The following KMT2D variants were observed in gnomAD, a reference collection of about 807,000 sequenced individuals.
The protein encoded by KMT2D is lysine methyltransferase 2D.
Under a neutral mutation model 512.7 loss-of-function variants are expected in KMT2D, and 55 were observed. That is an observed-to-expected ratio of 0.11 (90% confidence interval 0.09 to 0.13). The LOEUF (loss-of-function observed/expected upper bound fraction) is 0.13. Ranked by LOEUF, KMT2D falls within the 10% of genes least tolerant of loss-of-function variation. The pLI, the probability that KMT2D is intolerant of heterozygous loss-of-function variation, is 1.00. For synonymous variants in KMT2D, 2,995 were observed against 2,904.0 expected (o/e 1.03, Z -1.01); for missense variants, 6,061 against 7,127.9 (o/e 0.85, Z 5.39).
Position 49,032,665 on chromosome 12 carries a change from C to A in KMT2D, c.12040G>T (p.Ala4014Ser). 6.2e-7 allele frequency: 1 copy of A among 1,613,906 alleles called. No individual in the cohort carries two copies. Among genetic ancestry groups the A allele is most frequent in the South Asian group, 1.1e-5 (1 of 91,064 alleles). Residue 4014 changes from alanine to serine, a missense_variant, in exon 40 of 55, where the codon GCC becomes TCC. This residue lies in a region of KMT2D where 1,600 missense variants were observed against 1,754.9 expected (regional missense o/e 0.91). Coordinates refer to ENST00000301067, the MANE Select transcript of KMT2D (RefSeq NM_003482.4). ...GTCAGGAGGAGGGTTGGACCCAGGG[C>A]TCCAGGGCTAGAAAAGTGTTGAAGA... is the stretch of plus-strand genomic sequence containing the variant. ...KPLQHFSSPG[A>S]LGPTLLLTGK...
At chr12:49,043,040 C>G (rs1190808828) in intron 26 of KMT2D, 36 bp downstream of exon 26, 1 of 1,589,294 alleles carries the variant, frequency 6.3e-7, no homozygotes, top group Non-Finnish European at 8.6e-7. Flanking sequence ...CCATAGAAAA[C>G]CCTTATACAC....
At position 49,026,610 on chromosome 12, in the gene KMT2D, A is replaced by C. The variant is rs2120360772; in HGVS notation, c.15356T>G (p.Ile5119Ser). The stretch of plus-strand genomic sequence containing the variant: ...CTTGAAGAACATGCACTTGGCACGG[A>C]TGGCACAAGCAAAATGGTAGACATT... ...CPNVYHFACA[I>S]RAKCMFFKDK... Residue 5119 changes from isoleucine (I) to serine (S), a missense_variant, in exon 49 of 55, where the codon ATC becomes AGC. Coordinates refer to ENST00000301067, the MANE Select transcript of KMT2D (RefSeq NM_003482.4). This position sits in a 1 kb window ranked among gnomAD's most constrained non-coding sequence, Gnocchi z 9.6. 2 of 1,614,038 alleles carry C rather than the reference A, an allele frequency of 1.2e-6. No homozygotes were observed. Among genetic ancestry groups the C allele is most frequent in the Non-Finnish European group, 1.7e-6 (2 of 1,179,898 alleles).
chr12:49,056,671 C>T (rs553070026), intron 1 of KMT2D, among the ~76,000 whole-genome samples: 8 of 152,284 alleles, frequency 5.3e-5, no homozygotes, highest in Non-Finnish European at 1.2e-4. Flanking sequence ...ATTCATCTCT[C>T]GCCTTTTCCA....
rs1306614488 is a variant in KMT2D at position 49,044,370 on chromosome 12, C to A, written c.5083+33G>T. 1.2e-6 allele frequency: 2 copies of A among 1,613,674 alleles called. No homozygotes were observed. Among genetic ancestry groups the A allele is most frequent in the Non-Finnish European group, 1.7e-6 (2 of 1,179,752 alleles). ...ACCTATTGAGCTGCCCCGCACCACC[C>A]CACCACCCCACAACCCCATCCCAGG... On this transcript the variant is annotated intron_variant, in intron 21 of 54. Coordinates refer to ENST00000301067, the MANE Select transcript of KMT2D (RefSeq NM_003482.4). The surrounding 1 kb of genome is among the most constrained non-coding windows in gnomAD (Gnocchi z 6.4).
intron 49 of KMT2D, 71 bp from the exon 50 acceptor site, chr12:49,025,017 T>G (rs1942505361): frequency 3.9e-6 from 6 of 1,523,422 alleles, no homozygotes; most frequent in Non-Finnish European, 5.3e-6. Flanking sequence ...CTAACCCCAA[T>G]CCAGAACTGC....
In KMT2D at chr12:49,051,204, G is replaced by T; in HGVS notation, c.2479C>A (p.Gln827Lys). 6.6e-7 allele frequency: 1 copy of T among 1,509,020 alleles called. No homozygotes were observed. The highest frequency in any genetic ancestry group is 8.9e-7 in the Non-Finnish European group (1 of 1,121,176). 93.5% of individuals were successfully genotyped at this position (1,509,020 alleles called of 1,614,324 possible). Residue 827 changes from glutamine to lysine, a missense_variant, in exon 11 of 55, where the codon CAA (glutamine) becomes AAA (lysine). This residue lies in a region of KMT2D where 848 missense variants were observed against 838.5 expected (regional missense o/e 1.01). Transcript: ENST00000301067. ...PVPEEPCLSP[Q>K]PEESHLSPQS... ...GGGGACAGGTGTGATTCCTCAGGTT[G>T]GGGGGACAAGCATGGCTCCTCAGGC...
At position 49,028,056 on chromosome 12, in the gene KMT2D, G is replaced by A. The variant is rs1942697370; in HGVS notation, c.14468C>T (p.Pro4823Leu). Residue 4823 changes from proline (P) to leucine (L), a missense_variant, in exon 47 of 55, where the codon CCC becomes CTC. By Grantham distance (98) the Pro-to-Leu change is moderately conservative. This residue lies in a region of KMT2D where 1,600 missense variants were observed against 1,754.9 expected (regional missense o/e 0.91). Coordinates refer to ENST00000301067, the MANE Select transcript of KMT2D (RefSeq NM_003482.4). Reference sequence around the variant, plus strand: ...CTTTGGCTCAGTGCCTGCCCGGGCGGGGCTCTCTGGGAACAGCACCTCATA... The same window carrying A: ...CTTTGGCTCAGTGCCTGCCCGGGCGAGGCTCTCTGGGAACAGCACCTCATA... Reference protein sequence around the residue: ...NSYEVLFPESPARAGTEPKKG... With the variant: ...NSYEVLFPESLARAGTEPKKG... 6.2e-7 allele frequency: 1 copy of A among 1,613,988 alleles called. No individual in the cohort carries two copies. The highest frequency in any genetic ancestry group is 8.5e-7 in the Non-Finnish European group (1 of 1,179,882).
rs968801897 is a variant in KMT2D at position 49,054,578 on chromosome 12, T to C, written c.350A>G (p.Gln117Arg). ...EAVLPSEDLS[Q>R]IGFPEGLTPA... ...TGTAAGGCCCTCAGGGAAACCAATC[T>C]GTGATAGGTCCTCACTGGGCAGCAC... The change falls in exon 4 of 55, where the codon CAG (glutamine) becomes CGG (arginine). Residue 117 changes from glutamine to arginine, a missense_variant. This residue lies in a region of KMT2D where 144 missense variants were observed against 165.7 expected (regional missense o/e 0.87). Transcript: ENST00000301067. This position sits in a 1 kb window ranked among gnomAD's most constrained non-coding sequence, Gnocchi z 6.4. The C allele has an allele frequency of 1.9e-6, 3 of 1,613,210 alleles. No homozygotes were observed. The highest frequency in any genetic ancestry group is 2.5e-6 in the Non-Finnish European group (3 of 1,179,516).
rs777215324 is a variant in KMT2D, at chr12:49,033,763, G to C, written c.10942C>G (p.Pro3648Ala). The change falls in exon 40 of 55, where the codon CCG becomes GCG. Residue 3648 changes from proline (P) to alanine (A), a missense_variant. Pro to Ala is a conservative substitution (Grantham distance 27). Around this residue, in one of 16 missense-constraint regions of KMT2D, gnomAD observed 1,600 missense variants for 1,754.9 expected, o/e 0.91. Coordinates refer to ENST00000301067, the MANE Select transcript of KMT2D (RefSeq NM_003482.4). Reference protein sequence around the residue: ...GHGLQPPQGPPGGQAGGLRLT... With the variant: ...GHGLQPPQGPAGGQAGGLRLT... ...CGAAGACCTCCGGCTTGCCCACCCG[G>C]AGGCCCCTGTGGTGGCTGCAGCCCA... is the stretch of plus-strand genomic sequence containing the variant. 3 of 1,611,824 alleles carry C rather than the reference G, an allele frequency of 1.9e-6. No individual in the cohort carries two copies. The East Asian group carries it at 6.7e-5, about 36-fold the overall frequency.
In KMT2D at chr12:49,041,974, G is replaced by A. The variant is rs556669370; in HGVS notation, c.6126C>T (p.Cys2042=). The change falls in exon 30 of 55, where the codon TGC becomes TGT. Residue 2042 remains cysteine, a synonymous_variant. Coordinates refer to ENST00000301067, the MANE Select transcript of KMT2D (RefSeq NM_003482.4). The surrounding 1 kb of genome is among the most constrained non-coding windows in gnomAD (Gnocchi z 5.4). ...TTCTCCAGAGCTTCATGATTTGTTTGCAACGGCTTGACCAGTCTGGAGGGC... is the reference window on the plus strand; with the variant it reads ...TTCTCCAGAGCTTCATGATTTGTTTACAACGGCTTGACCAGTCTGGAGGGC... ...KQDYPDWSSR[C]KQIMKLWRKV... The A allele has an allele frequency of 1.2e-6, 2 of 1,611,946 alleles. No homozygotes were observed. Among genetic ancestry groups the A allele is most frequent in the African/African-American group, 2.7e-5 (2 of 74,998 alleles).
intron 9 of KMT2D, 36 bp downstream of exon 9, chr12:49,052,879 C>T (rs771120138): frequency 3.7e-6 from 6 of 1,610,442 alleles, no homozygotes. Context: ...TTCTTCCAAC[C>T]TGCCAGCCCA....
Position 49,024,655 on chromosome 12 carries a change from G to A in KMT2D, c.15975C>T (p.Pro5325=), listed in dbSNP as rs780850935. The part of the protein sequence containing the change: ...QNYLFRYGRH[P]LMELPLMINP... ...TGATCATGAGTGGCAGCTCCATAAG[G>A]GGGTGGCGCCCATAGCGGAATAAAT... Residue 5325 remains proline (P), a synonymous_variant, in exon 51 of 55, where the codon CCC becomes CCT. Coordinates refer to ENST00000301067, the MANE Select transcript of KMT2D (RefSeq NM_003482.4). This position sits in a 1 kb window ranked among gnomAD's most constrained non-coding sequence, Gnocchi z 4.5. 1.7e-5 allele frequency: 28 copies of A among 1,613,904 alleles called. No homozygotes were observed. The South Asian group carries it at 2.7e-4, about 16-fold the overall frequency.
intron 1 of KMT2D, among the ~76,000 whole-genome samples, chr12:49,058,940 G>A (rs1028245559): frequency 1.1e-4 from 16 of 152,188 alleles, no homozygotes; most frequent in Admixed American, 4.6e-4. Context: ...GGCTAAGACA[G>A]CACTCGGCCT....
Position 49,039,890 on chromosome 12 carries a change from T to C in KMT2D, c.7880A>G (p.Tyr2627Cys), listed in dbSNP as rs1436140022. The part of the protein sequence containing the change: ...PPPAPDGSLP[Y>C]LSHGASQRSG... ...TCGCTGTGAGGCTCCATGGGACAGG[T>C]AGGGGAGGGATCCGTCGGGTGCAGG... Residue 2627 changes from tyrosine (Y) to cysteine (C), a missense_variant, in exon 32 of 55, where the codon TAC becomes TGC. Tyr to Cys is a radical substitution (Grantham distance 194). Coordinates refer to ENST00000301067, the MANE Select transcript of KMT2D (RefSeq NM_003482.4). This position sits in a 1 kb window ranked among gnomAD's most constrained non-coding sequence, Gnocchi z 5.0. 1 of 1,613,948 alleles carries C rather than the reference T, an allele frequency of 6.2e-7. No homozygotes were observed. Among genetic ancestry groups the C allele is most frequent in the East Asian group, 2.2e-5 (1 of 44,862 alleles).
chr12:49,026,944 C>T lies in KMT2D; in HGVS notation c.15022G>A (p.Glu5008Lys), dbSNP rs746748048. ...KGSGRQEDER[E>K]VAEFMEQLGT... ...AGCTGCTCCATAAACTCTGCCACTT[C>T]CCGCTCATCCTCCTGCCGCCCACTG... The change falls in exon 49 of 55, where the codon GAA (glutamate) becomes AAA (lysine). Residue 5008 changes from glutamate to lysine, a missense_variant. Around this residue, in one of 16 missense-constraint regions of KMT2D, gnomAD observed 1,600 missense variants for 1,754.9 expected, o/e 0.91. Coordinates refer to ENST00000301067, the MANE Select transcript of KMT2D (RefSeq NM_003482.4). The surrounding 1 kb of genome is among the most constrained non-coding windows in gnomAD (Gnocchi z 9.6). 6.2e-6 allele frequency: 10 copies of T among 1,614,032 alleles called. No individual in the cohort carries two copies. In the Admixed American group the frequency reaches 1.3e-4, roughly 22 times the overall value.
chr12:49,035,551 C>A (rs962571244), intron 35 of KMT2D: 1 of 152,244 alleles, frequency 6.6e-6, no homozygotes, highest in Non-Finnish European at 1.5e-5. Context: ...CATCCACTTT[C>A]TTTTTTTCTT....
Position 49,044,856 on chromosome 12 carries a change from C to T in KMT2D, c.4851G>A (p.Arg1617=), listed in dbSNP as rs758876552. The T allele has an allele frequency of 3.7e-6, 6 of 1,614,056 alleles. No individual in the cohort carries two copies. The highest frequency in any genetic ancestry group is 5.1e-6 in the Non-Finnish European group (6 of 1,179,904). The part of the protein sequence containing the change: ...PLHKRRQRRG[R]LGLPGEAGLE... ...ATCCTGCCTCGCCTGGGAGGCCAAG[C>T]CGTCCTCGCCGTTGGCGCCGCTTGT... Residue 1617 remains arginine, a synonymous_variant, in exon 20 of 55, where the codon CGG becomes CGA. Transcript: ENST00000301067. The surrounding 1 kb of genome is among the most constrained non-coding windows in gnomAD (Gnocchi z 6.4).
intron 18 of KMT2D, 23 bp from the exon 19 acceptor site, chr12:49,045,990 A>C (rs1294606262): frequency 6.2e-7 from 1 of 1,613,834 alleles, no homozygotes; most frequent in South Asian, 1.1e-5. Flanking sequence ...GGACAAACGG[A>C]GGTGGCTGAG....
At chr12:49,029,676 T>TG (rs1491377155) in intron 43 of KMT2D, among the ~76,000 whole-genome samples, 200 bp from the exon 44 acceptor site, 2 of 119,304 alleles carry the variant, frequency 1.7e-5, no homozygotes, top group Non-Finnish European at 3.3e-5. Flanking sequence ...TTGTTTTTTT[T>TG]GTTTTTTTTT....
Sources: gnomAD v4.1 joint callset for allele counts (sites outside exome capture counted in the v4.1 genomes callset) on GRCh38, gnomAD v4.1.1 for gene constraint, gnomAD v4.1.1 regional missense constraint, Gnocchi (gnomAD v3.1) non-coding constraint, MANE v1.5 for transcripts, NCBI Gene and HGNC (gene_info 2026-07-23, HGNC 2026-07-21) for gene names.